The following CRACD variants were observed in gnomAD, a reference collection of about 807,000 sequenced individuals.
CRACD encodes the protein capping protein-inhibiting regulator of actin dynamics.
A neutral mutation model predicts 106.8 loss-of-function variants in CRACD; 56 were observed. That is an observed-to-expected ratio of 0.52 (90% CI 0.42 to 0.66). CRACD has a LOEUF of 0.66. Ranked by LOEUF, CRACD falls within the 30% of genes least tolerant of loss-of-function variation. The pLI is 0.00. For missense variants in CRACD, 1,730 were observed against 1,623.2 expected (o/e 1.07, Z -1.13); for synonymous variants, 754 against 670.8 (o/e 1.12, Z -1.92).
At chr4:56,226,858 T>TTCTC (rs368656403) in intron 2 of CRACD, among the ~76,000 whole-genome samples, 20 of 148,254 alleles carry the variant, frequency 1.3e-4, no homozygotes, top group African/African-American at 4.9e-4. Flanking sequence ...GTGTGTCTCT[T>TTCTC]TCTCTCTCTC....
chr4:56,267,611 G>A (rs959502762), intron 2 of CRACD, among the ~76,000 whole-genome samples: 1 of 152,136 alleles, frequency 6.6e-6, no homozygotes, highest in Non-Finnish European at 1.5e-5. Flanking sequence ...TAGGACTTAG[G>A]ACCTCTTTTT....
At chr4:56,071,963 T>A (rs1288768680) in intron 1 of CRACD, among the ~76,000 whole-genome samples, 1 of 151,404 alleles carries the variant, frequency 6.6e-6, no homozygotes, top group African/African-American at 2.4e-5. Flanking sequence ...CCGTCTCTAC[T>A]AAAAAATACA....
intron 2 of CRACD, among the ~76,000 whole-genome samples, chr4:56,262,014 C>T (rs538896119): frequency 3.3e-5 from 5 of 152,134 alleles, no homozygotes; most frequent in Middle Eastern, 3.4e-3. Flanking sequence ...AAAGAGTCAC[C>T]GTACTAAAAA....
At chr4:56,072,293 G>C (rs536294727) in intron 1 of CRACD, among the ~76,000 whole-genome samples, 2 of 152,156 alleles carry the variant, frequency 1.3e-5, no homozygotes, top group African/African-American at 4.8e-5. Context: ...TGCTATAAAG[G>C]TTTTCATTAA....
intron 8 of CRACD, 89 bp downstream of exon 8, chr4:56,316,778 T>G: frequency 1.4e-6 from 2 of 1,419,276 alleles, no homozygotes; most frequent in Admixed American, 2.3e-5. Flanking sequence ...TTCATGAGAA[T>G]AATTTACCAA....
chr4:56,244,626 C>A (rs539313188), intron 2 of CRACD, among the ~76,000 whole-genome samples: 1 of 152,208 alleles, frequency 6.6e-6, no homozygotes, highest in Non-Finnish European at 1.5e-5. Context: ...TTCCTTCAGA[C>A]TCCCACGTGC....
At chr4:56,269,008 T>C (rs1392749126) in intron 2 of CRACD, among the ~76,000 whole-genome samples, 1 of 152,232 alleles carries the variant, frequency 6.6e-6, no homozygotes. Context: ...CATTTTTAAA[T>C]GATATCTCAA....
chr4:56,092,807 A>G (rs1021760578), intron 1 of CRACD, among the ~76,000 whole-genome samples: 2 of 152,004 alleles, frequency 1.3e-5, no homozygotes, highest in African/African-American at 4.8e-5. Flanking sequence ...GAGTCTTGTG[A>G]TGTTTCCTAG....
intron 2 of CRACD, among the ~76,000 whole-genome samples, chr4:56,257,927 G>A (rs58848993): frequency 0.11 from 16,150 of 151,788 alleles, 2,062 homozygotes; most frequent in East Asian, 0.61. Context: ...AAAATTAGCC[G>A]GGCATGGTGG....
chr4:56,314,411 G>T lies in CRACD; in HGVS notation c.909G>T (p.Ala303=), dbSNP rs762681658. 2 of 1,453,254 alleles carry T rather than the reference G, an allele frequency of 1.4e-6. No homozygotes were observed. Among genetic ancestry groups the T allele is most frequent in the African/African-American group, 4.2e-5 (2 of 47,610 alleles). 90.0% of individuals were successfully genotyped at this position (1,453,254 alleles called of 1,614,324 possible). ...RSLEAPGWED[A]ERREREERER... The stretch of plus-strand genomic sequence containing the variant: ...TGGAAGCGCCAGGTTGGGAGGACGC[G>T]GAGCGGAGGGAGCGTGAGGAGCGCG... Residue 303 remains alanine, a synonymous_variant, in exon 8 of 11, where the codon GCG becomes GCT. Transcript: ENST00000682029. The surrounding 1 kb of genome is among the most constrained non-coding windows in gnomAD (Gnocchi z 4.4).
At chr4:56,289,667 C>T (rs1743588836) in intron 3 of CRACD, among the ~76,000 whole-genome samples, 1 of 133,140 alleles carries the variant, frequency 7.5e-6, no homozygotes, top group African/African-American at 2.9e-5. Flanking sequence ...AATGCCTGGG[C>T]AACAGAATGA....
chr4:56,139,267 G>T (rs1165504469), intron 1 of CRACD, among the ~76,000 whole-genome samples: 1 of 151,922 alleles, frequency 6.6e-6, no homozygotes, highest in African/African-American at 2.4e-5. Context: ...AAAAACCTTG[G>T]TTTACCTCTT....
At chr4:56,114,205 G>T (rs1402883752) in intron 1 of CRACD, among the ~76,000 whole-genome samples, 1 of 150,856 alleles carries the variant, frequency 6.6e-6, no homozygotes, top group Non-Finnish European at 1.5e-5. Context: ...CGGTTCTTAC[G>T]CTTGTCAATA....
chr4:56,267,124 G>GT (rs1553915653), intron 2 of CRACD, among the ~76,000 whole-genome samples: 218 of 149,222 alleles, frequency 1.5e-3, no homozygotes, highest in Middle Eastern at 7.0e-3. Context: ...ATTTATTTAA[G>GT]TTTTTTTTTT....
intron 2 of CRACD, among the ~76,000 whole-genome samples, chr4:56,261,008 C>T (rs1741670040): frequency 6.6e-6 from 1 of 152,152 alleles, no homozygotes; most frequent in Admixed American, 6.6e-5. Context: ...TTTTGTCCAT[C>T]AGTGTAGCCA....
At chr4:56,061,804 A>T (rs902635740) in intron 1 of CRACD, among the ~76,000 whole-genome samples, 1 of 152,208 alleles carries the variant, frequency 6.6e-6, no homozygotes, top group Non-Finnish European at 1.5e-5. Flanking sequence ...ATGCCACAAG[A>T]ATATTTGGAA....
At chr4:56,302,693 G>A (rs929077585) in intron 4 of CRACD, among the ~76,000 whole-genome samples, 2 of 152,004 alleles carry the variant, frequency 1.3e-5, no homozygotes, top group African/African-American at 4.8e-5. Context: ...GATACCTGTA[G>A]TTTGCTCAAA....
At position 56,329,489 on chromosome 4, in the gene CRACD, G is replaced by A. The variant is rs1746671203; in HGVS notation, c.*1685G>A. On this transcript the variant is annotated 3_prime_UTR_variant, in exon 11 of 11. Coordinates refer to ENST00000682029, the MANE Select transcript of CRACD (RefSeq NM_001393381.1). The stretch of plus-strand genomic sequence containing the variant: ...CTAGAAACAATAGCTCAGCCTCACT[G>A]TAGCAGCTGGCATGTGTGGTCAAGT... Among the ~76,000 whole-genome samples the A allele has an allele frequency of 6.6e-6, 1 of 152,228 alleles. No individual in the cohort carries two copies. Among genetic ancestry groups the A allele is most frequent in the South Asian group, 2.1e-4 (1 of 4,836 alleles).
chr4:56,136,383 A>G (rs993210086), intron 1 of CRACD, among the ~76,000 whole-genome samples: 2 of 152,214 alleles, frequency 1.3e-5, no homozygotes, highest in African/African-American at 4.8e-5. Context: ...CACTAGCAGT[A>G]TATGGAGGTC....
Sources: allele counts gnomAD v4.1 joint callset (sites outside exome capture counted in the v4.1 genomes callset), GRCh38; gene constraint gnomAD v4.1.1; non-coding constraint Gnocchi (gnomAD v3.1); transcripts MANE v1.5; gene names NCBI Gene and HGNC (gene_info 2026-07-23, HGNC 2026-07-21).